Variants in DPYD observed in about 807,000 individuals in gnomAD.
The protein encoded by DPYD is dihydropyrimidine dehydrogenase [NADP(+)].
A neutral mutation model predicts 116.2 loss-of-function variants in DPYD; 109 were observed. The ratio of observed to expected loss-of-function variants is 0.94; its 90% confidence interval spans 0.80 to 1.10. The LOEUF is 1.10. DPYD is among the 50% of genes least tolerant of loss of function. The probability of loss-of-function intolerance (pLI) is 0.00; values close to 1 mark genes in which losing one functional copy is unlikely to be tolerated. For synonymous variants in DPYD, 440 were observed against 432.0 expected (o/e 1.02, Z -0.23); for missense variants, 1,302 against 1,254.5 (o/e 1.04, Z -0.57).
intron 14 of DPYD, 86 bp downstream of exon 14, chr1:97,449,973 A>G (rs1676318283): frequency 2.6e-6 from 4 of 1,523,246 alleles, no homozygotes; most frequent in Non-Finnish European, 2.7e-6. Context: ...ACACATTAAT[A>G]TTTATAAGCC....
At chr1:97,277,434 C>T (rs954044088) in intron 18 of DPYD, among the ~76,000 whole-genome samples, 2 of 151,956 alleles carry the variant, frequency 1.3e-5, no homozygotes, top group Non-Finnish European at 2.9e-5. Context: ...AACAAAATGC[C>T]CCTCAAATCA....
At chr1:97,371,986 T>C (rs1570610934) in intron 16 of DPYD, among the ~76,000 whole-genome samples, 1 of 152,302 alleles carries the variant, frequency 6.6e-6, no homozygotes, top group East Asian at 1.9e-4. Context: ...TGTGCAAAAC[T>C]TTATGTGGCT....
At position 97,373,646 on chromosome 1, in the gene DPYD, T is replaced by C. The variant is rs1180661405; in HGVS notation, c.1975-2A>G. The stretch of plus-strand genomic sequence containing the variant: ...CTCCAGGGCATCTGCTCCAGAATCC[T>C]TTAAACAAGAAAGGAAAATGAAAGA... On this transcript the variant is annotated splice_acceptor_variant, in intron 15 of 22. Coordinates refer to ENST00000370192, the MANE Select transcript of DPYD (RefSeq NM_000110.4). LOFTEE classifies it high-confidence loss of function. 5 of 1,613,404 alleles carry C rather than the reference T, an allele frequency of 3.1e-6. 1 individual carries two copies. In the South Asian group the frequency reaches 5.5e-5, roughly 18 times the overall value.
intron 20 of DPYD, among the ~76,000 whole-genome samples, chr1:97,158,525 T>A (rs1311784098): frequency 6.2e-5 from 4 of 64,814 alleles, no homozygotes; most frequent in Admixed American, 4.5e-4. Flanking sequence ...ACACACACAC[T>A]CTATCCAAAT....
At chr1:97,552,011 A>G (rs1651359434) in intron 11 of DPYD, among the ~76,000 whole-genome samples, 1 of 152,106 alleles carries the variant, frequency 6.6e-6, no homozygotes, top group African/African-American at 2.4e-5. Flanking sequence ...ACTATTTTCT[A>G]TAACAGACTT....
intron 1 of DPYD, among the ~76,000 whole-genome samples, chr1:97,887,970 C>A (rs1479560056): frequency 1.3e-5 from 2 of 152,010 alleles, no homozygotes; most frequent in Non-Finnish European, 2.9e-5. Flanking sequence ...ATTGTAAGTT[C>A]CCTCACGCCT....
chr1:97,288,774 GA>G (rs1234972048), intron 18 of DPYD, among the ~76,000 whole-genome samples: 1 of 150,786 alleles, frequency 6.6e-6, no homozygotes, highest in Non-Finnish European at 1.5e-5. Flanking sequence ...ACAACTAAAA[GA>G]ACTAGAAAAG....
intron 18 of DPYD, among the ~76,000 whole-genome samples, chr1:97,239,449 A>G (rs1180042171): frequency 6.6e-6 from 1 of 152,020 alleles, no homozygotes; most frequent in African/African-American, 2.4e-5. Context: ...TCTATCCACA[A>G]AATATTTTTT....
intron 14 of DPYD, among the ~76,000 whole-genome samples, chr1:97,386,475 T>C (rs11165856): frequency 0.27 from 40,433 of 151,924 alleles, 5,615 homozygotes; most frequent in South Asian, 0.43. Context: ...CTTTTAAGGC[T>C]GGGTGCCTCA....
chr1:97,441,353 T>A (rs1207629309), intron 14 of DPYD, among the ~76,000 whole-genome samples: 1 of 152,150 alleles, frequency 6.6e-6, no homozygotes, highest in African/African-American at 2.4e-5. Context: ...GGCCACTTAT[T>A]GTCACCAGCT....
chr1:97,510,128 A>C (rs1184266332), intron 13 of DPYD, among the ~76,000 whole-genome samples: 1 of 151,866 alleles, frequency 6.6e-6, no homozygotes, highest in African/African-American at 2.4e-5. Context: ...AAAAAAAAAA[A>C]ACTCAGAGGA....
intron 5 of DPYD, among the ~76,000 whole-genome samples, chr1:97,703,649 C>A (rs1368331406): frequency 6.6e-6 from 1 of 151,910 alleles, no homozygotes; most frequent in Non-Finnish European, 1.5e-5. Context: ...CTCAGTAGCA[C>A]TAATTATATT....
chr1:97,687,971 G>T (rs1179373687), intron 7 of DPYD, among the ~76,000 whole-genome samples: 2 of 152,124 alleles, frequency 1.3e-5, no homozygotes, highest in Non-Finnish European at 2.9e-5. Context: ...ACTGGGGCCA[G>T]TTGAGTGGGG....
chr1:97,515,668 T>C (rs1648164376), intron 13 of DPYD, 58 bp downstream of exon 13: 6 of 1,470,990 alleles, frequency 4.1e-6, no homozygotes, highest in Non-Finnish European at 5.6e-6. Flanking sequence ...ATAATGTTTA[T>C]ACCTTAATTA....
intron 8 of DPYD, among the ~76,000 whole-genome samples, chr1:97,676,839 T>G (rs1381690449): frequency 6.6e-6 from 1 of 152,190 alleles, no homozygotes; most frequent in Non-Finnish European, 1.5e-5. Context: ...TGATGAAATT[T>G]TTCTCGTATA....
intron 13 of DPYD, chr1:97,514,244 A>C: frequency 1.0e-6 from 1 of 985,002 alleles, no homozygotes; most frequent in Non-Finnish European, 1.2e-6. Context: ...ACAGCATCAC[A>C]AATCAATGCA....
chr1:97,379,211 A>G (rs945376717), intron 15 of DPYD, among the ~76,000 whole-genome samples: 72 of 152,166 alleles, frequency 4.7e-4, no homozygotes, highest in African/African-American at 1.6e-3. Flanking sequence ...GGAGGAAAAG[A>G]AGGCAGCGGG....
In DPYD at chr1:97,097,222, C is replaced by T. The variant is rs137897217; in HGVS notation, c.2766+1267G>A. On this transcript the variant is annotated intron_variant, in intron 21 of 22. Transcript: ENST00000370192. ...GAATGATGGCATTGAAGTGCTGGCA[C>T]GCTTTGTGGTCAGCCACTCCCTTTG... Among the ~76,000 whole-genome samples, 47 of 152,268 alleles carry T rather than the reference C, an allele frequency of 3.1e-4. No individual in the cohort carries two copies. In the East Asian group the frequency reaches 7.4e-3, roughly 24 times the overall value.
At chr1:97,588,146 C>T (rs1264190085) in intron 10 of DPYD, among the ~76,000 whole-genome samples, 4 of 152,106 alleles carry the variant, frequency 2.6e-5, no homozygotes, top group Non-Finnish European at 5.9e-5. Context: ...ATTATCAAAA[C>T]AGTTAACCCT....
Sources: gnomAD v4.1 joint callset for allele counts (sites outside exome capture counted in the v4.1 genomes callset) on GRCh38, gnomAD v4.1.1 for gene constraint, MANE v1.5 for transcripts, NCBI Gene and HGNC (gene_info 2026-07-23, HGNC 2026-07-21) for gene names.